Variants in ZNF521 observed in about 807,000 individuals in gnomAD.
ZNF521 encodes LYST-interacting protein 3.
In ZNF521, 14 loss-of-function variants were observed where a neutral mutation model predicts 105.5. That is an observed-to-expected ratio of 0.13 (90% CI 0.09 to 0.21). The LOEUF (loss-of-function observed/expected upper bound fraction) is 0.21, where lower values mean the gene tolerates loss of function less well. Among genes scored for constraint, ZNF521 ranks in the 10% least tolerant of loss-of-function variants. ZNF521 has a pLI of 1.00. For missense variants in ZNF521, 1,233 were observed against 1,629.7 expected (o/e 0.76, Z 4.19); for synonymous variants, 635 against 606.0 (o/e 1.05, Z -0.70).
rs796811110 is a variant in ZNF521, at chr18:25,120,582, T to TAAAAAAAAAA, written c.3659-28511_3659-28502dup. ...TGGGCAACAAGAGCAAAACTCCATCTAAAAAAAAAAAAAAAAAAAACCACA... is the reference window on the plus strand; with the variant it reads ...TGGGCAACAAGAGCAAAACTCCATCTAAAAAAAAAAAAAAAAAAAAAAAAAAAAAACCACA... On this transcript the variant is annotated intron_variant, in intron 5 of 7. Transcript: ENST00000361524. Among the ~76,000 whole-genome samples the TAAAAAAAAAA allele has an allele frequency of 3.5e-4, 4 of 11,306 alleles. No individual in the cohort carries two copies. In the East Asian group the frequency reaches 3.6e-3, roughly 10 times the overall value. The allele number at this position is 11,306 out of a possible 152,430, so 7.4% of individuals were successfully genotyped here.
intron 5 of ZNF521, among the ~76,000 whole-genome samples, chr18:25,189,077 C>T (rs1203552989): frequency 1.3e-5 from 2 of 152,180 alleles, no homozygotes; most frequent in Non-Finnish European, 2.9e-5. Context: ...GAGTGACAGA[C>T]CTGAAGACTT....
At chr18:25,322,875 A>G (rs1600306266) in intron 2 of ZNF521, among the ~76,000 whole-genome samples, 1 of 152,366 alleles carries the variant, frequency 6.6e-6, no homozygotes, top group South Asian at 2.1e-4. Flanking sequence ...GAAGTCAACA[A>G]CTTGAGTTGG....
intron 3 of ZNF521, among the ~76,000 whole-genome samples, chr18:25,297,639 T>C (rs1377455702): frequency 2.6e-5 from 4 of 152,190 alleles, no homozygotes; most frequent in Non-Finnish European, 5.9e-5. Context: ...GAATGATGGC[T>C]ATCCTCAAGA....
At chr18:25,340,440 T>A (rs1244810831) in intron 2 of ZNF521, among the ~76,000 whole-genome samples, 1 of 152,028 alleles carries the variant, frequency 6.6e-6, no homozygotes, top group Non-Finnish European at 1.5e-5. Context: ...CGGCCAAAGG[T>A]AAATGGGTGG....
intron 5 of ZNF521, among the ~76,000 whole-genome samples, chr18:25,168,842 CAG>C (rs1187767478): frequency 1.3e-5 from 2 of 152,116 alleles, no homozygotes; most frequent in African/African-American, 2.4e-5. Flanking sequence ...ACTGGGAAGG[CAG>C]GTTAGTATTT....
In ZNF521 at chr18:25,227,676, T is replaced by A; in HGVS notation, c.242A>T (p.Asp81Val). 1 of 1,613,164 alleles carries A rather than the reference T, an allele frequency of 6.2e-7. No individual in the cohort carries two copies. The highest frequency in any genetic ancestry group is 8.5e-7 in the Non-Finnish European group (1 of 1,179,474). The change falls in exon 4 of 8, where the codon GAT (aspartate) becomes GTT (valine). Residue 81 changes from aspartate to valine, a missense_variant. Physicochemically the swap from Asp to Val is radical, Grantham distance 152 (BLOSUM62 -3). Transcript: ENST00000361524. This position sits in a 1 kb window ranked among gnomAD's most constrained non-coding sequence, Gnocchi z 5.7. The stretch of plus-strand genomic sequence containing the variant: ...GGAAGCTGGCCAAGAGCAAGTCGGA[T>A]CATCTTCAACATCCACTCCATCTGC... ...QLTDGVDVED[D>V]PTCSWPASSP... is the part of the protein sequence containing the mutation.
At chr18:25,102,128 G>A (rs1473897508) in intron 5 of ZNF521, among the ~76,000 whole-genome samples, 1 of 152,034 alleles carries the variant, frequency 6.6e-6, no homozygotes, top group East Asian at 1.9e-4. Context: ...CTACTATAAA[G>A]CAATTAATAT....
At chr18:25,313,378 TCAA>T (rs1912428881) in intron 3 of ZNF521, among the ~76,000 whole-genome samples, 2 of 150,866 alleles carry the variant, frequency 1.3e-5, no homozygotes, top group African/African-American at 4.9e-5. Flanking sequence ...GCACAAGTAA[TCAA>T]CAAGAAAACA....
chr18:25,219,152 G>A (rs1905531545), intron 4 of ZNF521, among the ~76,000 whole-genome samples: 1 of 152,198 alleles, frequency 6.6e-6, no homozygotes, highest in South Asian at 2.1e-4. Context: ...CAAAGTATGT[G>A]TTAACTGACT....
At chr18:25,134,969 A>C (rs2034706285) in intron 5 of ZNF521, among the ~76,000 whole-genome samples, 1 of 152,132 alleles carries the variant, frequency 6.6e-6, no homozygotes, top group Non-Finnish European at 1.5e-5. Context: ...TCTATCCTGT[A>C]ATACTTCTTA....
chr18:25,264,044 G>A (rs1179612370), intron 3 of ZNF521, among the ~76,000 whole-genome samples: 8 of 152,100 alleles, frequency 5.3e-5, no homozygotes, highest in Non-Finnish European at 1.0e-4. Context: ...TATTTTACTT[G>A]TTCCAGATAG....
chr18:25,229,981 AAC>A (rs1906428949), intron 3 of ZNF521, among the ~76,000 whole-genome samples: 2 of 152,338 alleles, frequency 1.3e-5, no homozygotes, highest in African/African-American at 2.4e-5. Flanking sequence ...TGCAATCCCT[AAC>A]ACCAGGCTTA....
chr18:25,164,828 T>C (rs939910334), intron 5 of ZNF521, among the ~76,000 whole-genome samples: 2 of 152,220 alleles, frequency 1.3e-5, no homozygotes, highest in Non-Finnish European at 1.5e-5. Context: ...TTTACTCTTA[T>C]TTGTTTTTGT....
At chr18:25,078,694 C>T (rs1178725111) in intron 7 of ZNF521, among the ~76,000 whole-genome samples, 2 of 152,126 alleles carry the variant, frequency 1.3e-5, no homozygotes, top group Admixed American at 6.5e-5. Context: ...ATTTCAGACC[C>T]GGATTTGATT....
At chr18:25,250,440 G>A (rs1908036835) in intron 3 of ZNF521, among the ~76,000 whole-genome samples, 1 of 152,016 alleles carries the variant, frequency 6.6e-6, no homozygotes, top group East Asian at 1.9e-4. Flanking sequence ...CCTTAGTTTT[G>A]GTCCTTCTTT....
At chr18:25,339,852 T>C (rs1914099473) in intron 2 of ZNF521, among the ~76,000 whole-genome samples, 1 of 152,160 alleles carries the variant, frequency 6.6e-6, no homozygotes, top group Admixed American at 6.5e-5. Flanking sequence ...TCTCACAAGA[T>C]GTGAGATGAA....
At position 25,224,836 on chromosome 18, in the gene ZNF521, T is replaced by C; in HGVS notation, c.3082A>G (p.Thr1028Ala). 1 of 1,614,074 alleles carries C rather than the reference T, an allele frequency of 6.2e-7. No individual in the cohort carries two copies. Among genetic ancestry groups the C allele is most frequent in the Non-Finnish European group, 8.5e-7 (1 of 1,180,018 alleles). The part of the protein sequence containing the change: ...TGFRCVVCMQ[T>A]VTSTLELKIH... The stretch of plus-strand genomic sequence containing the variant: ...TTGAGTTCCAAGGTGGAGGTCACTG[T>C]CTGCATGCACACCACGCAGCGAAAG... Residue 1028 changes from threonine (T) to alanine (A), a missense_variant, in exon 4 of 8, where the codon ACA becomes GCA. Around this residue, in one of 6 missense-constraint regions of ZNF521, gnomAD observed 614 missense variants for 751.5 expected, o/e 0.82. Transcript: ENST00000361524.
In ZNF521 at chr18:25,157,395, A is replaced by G. The variant is rs945357700; in HGVS notation, c.3658+37765T>C. Among the ~76,000 whole-genome samples the G allele has an allele frequency of 4.6e-5, 7 of 152,340 alleles. No homozygotes were observed. The South Asian group carries it at 8.3e-4, about 18-fold the overall frequency. On this transcript the variant is annotated intron_variant, in intron 5 of 7. Coordinates refer to ENST00000361524, the MANE Select transcript of ZNF521 (RefSeq NM_015461.3). ...CACAAAGATAGAGATGTGATTCAGT[A>G]TAACTTCAGTGATCAGAAACGGGAA...
Position 25,227,751 on chromosome 18 carries a change from A to T in ZNF521, c.221-54T>A. On this transcript the variant is annotated intron_variant, in intron 3 of 7. Coordinates refer to ENST00000361524, the MANE Select transcript of ZNF521 (RefSeq NM_015461.3). This position sits in a 1 kb window ranked among gnomAD's most constrained non-coding sequence, Gnocchi z 5.7. ...TCTGACATGTTGAGATTCAAGAGTG[A>T]GTTTACCGTAGCATTTCAACCAGCA... is the stretch of plus-strand genomic sequence containing the variant. 1 of 1,472,738 alleles carries T rather than the reference A, an allele frequency of 6.8e-7. No homozygotes were observed. Among genetic ancestry groups the T allele is most frequent in the Non-Finnish European group, 9.2e-7 (1 of 1,084,830 alleles). The allele number at this position is 1,472,738 out of a possible 1,614,324, so 91.2% of individuals were successfully genotyped here. A position where few individuals can be genotyped will look rare whatever the true frequency, so the allele number is the denominator to read the frequency against.
Sources: allele counts gnomAD v4.1 joint callset (sites outside exome capture counted in the v4.1 genomes callset), GRCh38; gene constraint gnomAD v4.1.1; regional missense constraint gnomAD v4.1.1; non-coding constraint Gnocchi (gnomAD v3.1); transcripts MANE v1.5; gene names NCBI Gene and HGNC (gene_info 2026-07-23, HGNC 2026-07-21).